TSNAXIP1: variants seen among roughly 807,000 people sequenced by gnomAD.
TSNAXIP1 encodes translin associated factor X interacting protein 1.
A neutral mutation model predicts 84.8 loss-of-function variants in TSNAXIP1; 89 were observed. The ratio of observed to expected loss-of-function variants is 1.05; its 90% CI spans 0.88 to 1.25. The LOEUF is 1.25. Among genes scored for constraint, TSNAXIP1 ranks in the 50% most tolerant of loss-of-function variants. TSNAXIP1 has a pLI of 0.00. For missense variants in TSNAXIP1, 874 were observed against 887.6 expected, an observed-to-expected ratio of 0.98 and a Z score of 0.20; for synonymous variants, 347 against 335.2, an observed-to-expected ratio of 1.04 and a Z score of -0.39.
At chr16:67,821,020 G>C in intron 3 of TSNAXIP1, 69 bp downstream of exon 3, 2 of 1,599,422 alleles carry the variant, frequency 1.3e-6, no homozygotes, top group African/African-American at 1.3e-5. Flanking sequence ...AGACAGGGCA[G>C]GGGCGTGTGT....
intron 2 of TSNAXIP1, among the ~76,000 whole-genome samples, chr16:67,818,877 T>C (rs1250074837): frequency 6.6e-6 from 1 of 152,070 alleles, no homozygotes; most frequent in Non-Finnish European, 1.5e-5. Context: ...TTAATTTTTG[T>C]ATTTTTAGTA....
In TSNAXIP1 at chr16:67,826,052, C is replaced by G. The variant is rs61999337; in HGVS notation, c.1120C>G (p.Arg374Gly). The change falls in exon 9 of 16, where the codon CGG (arginine) becomes GGG (glycine). Residue 374 changes from arginine (R) to glycine (G), a missense_variant. Physicochemically the swap from Arg to Gly is moderately radical, Grantham distance 125 (BLOSUM62 -2). Transcript: ENST00000561639. ...GGAGATCCAGCGCACTTCCACGCCG[C>G]GGCCTGACTGGACCAAGTGCAAAGG... ...LQEIQRTSTP[R>G]PDWTKCKDVV... 6.2e-6 allele frequency: 10 copies of G among 1,613,558 alleles called. No individual in the cohort carries two copies. In the African/African-American group the frequency reaches 1.1e-4, roughly 17 times the overall value.
intron 2 of TSNAXIP1, among the ~76,000 whole-genome samples, chr16:67,817,381 C>T (rs1437268749): frequency 2.0e-5 from 3 of 147,842 alleles, no homozygotes; most frequent in African/African-American, 5.0e-5. Context: ...CTCCTAACCT[C>T]GTGATCCACC....
At chr16:67,813,295 G>C (rs559911132) in intron 1 of TSNAXIP1, among the ~76,000 whole-genome samples, 72 of 151,654 alleles carry the variant, frequency 4.7e-4, no homozygotes, top group African/African-American at 1.7e-3. Flanking sequence ...GCTGAGGAAG[G>C]AGAATTGCTT....
At chr16:67,816,986 A>T (rs1376862502) in intron 2 of TSNAXIP1, among the ~76,000 whole-genome samples, 1 of 149,742 alleles carries the variant, frequency 6.7e-6, no homozygotes, top group Non-Finnish European at 1.5e-5. Context: ...TTATTTTTTG[A>T]GACGGAGCCT....
Position 67,827,589 on chromosome 16 carries a change from C to T in TSNAXIP1, c.1898+10C>T. 7 of 1,613,888 alleles carry T rather than the reference C, an allele frequency of 4.3e-6. No individual in the cohort carries two copies. Among genetic ancestry groups the T allele is most frequent in the Non-Finnish European group, 5.1e-6 (6 of 1,179,802 alleles). ...AGCTTGGCATAGAACTGTGAGTGAC[C>T]CTCATCCATAGGCGAGTCCCACAGG... On this transcript the variant is annotated intron_variant, in intron 15 of 15. Transcript: ENST00000561639.
intron 1 of TSNAXIP1, among the ~76,000 whole-genome samples, chr16:67,811,309 G>A (rs762742275): frequency 1.3e-5 from 2 of 151,894 alleles, no homozygotes; most frequent in African/African-American, 4.8e-5. Flanking sequence ...AACAACATCT[G>A]TTACCTACTG....
chr16:67,821,027 G>T lies in TSNAXIP1; in HGVS notation c.261-72G>T. The T allele has an allele frequency of 3.1e-6, 5 of 1,602,894 alleles. No individual in the cohort carries two copies. In the South Asian group the frequency reaches 3.3e-5, roughly 11 times the overall value. On this transcript the variant is annotated intron_variant, in intron 3 of 15. Transcript: ENST00000561639. ...GGGCCAGGAGACAGGGCAGGGGCGT[G>T]TGTTGCCCCAGACTGAGGGCACAAG... is the stretch of plus-strand genomic sequence containing the variant.
intron 1 of TSNAXIP1, among the ~76,000 whole-genome samples, chr16:67,811,960 A>G (rs558792008): frequency 2.0e-5 from 3 of 152,306 alleles, no homozygotes; most frequent in East Asian, 1.9e-4. Flanking sequence ...TTACTGCTCC[A>G]TGGACTATAG....
chr16:67,826,862 C>T lies in TSNAXIP1; in HGVS notation c.1554+18C>T. 1 of 1,611,892 alleles carries T rather than the reference C, an allele frequency of 6.2e-7. No individual in the cohort carries two copies. Among genetic ancestry groups the T allele is most frequent in the Non-Finnish European group, 8.5e-7 (1 of 1,178,978 alleles). On this transcript the variant is annotated intron_variant, in intron 12 of 15. Transcript: ENST00000561639. ...TGGGAAAGGTGAGCTGGGGCCTATT[C>T]CCCTTGGGGAGACTGAGAGGGGTCT...
intron 1 of TSNAXIP1, among the ~76,000 whole-genome samples, chr16:67,813,958 C>T (rs2056336605): frequency 6.6e-6 from 1 of 152,018 alleles, no homozygotes; most frequent in Non-Finnish European, 1.5e-5. Flanking sequence ...GTATCACAGC[C>T]CCAGAGTATG....
At position 67,821,149 on chromosome 16, in the gene TSNAXIP1, A is replaced by T. The variant is rs1365184796; in HGVS notation, c.311A>T (p.Glu104Val). 8.7e-6 allele frequency: 14 copies of T among 1,612,344 alleles called. No individual in the cohort carries two copies. Among genetic ancestry groups the T allele is most frequent in the Non-Finnish European group, 1.2e-5 (14 of 1,179,348 alleles). The change falls in exon 4 of 16, where the codon GAA becomes GTA. Residue 104 changes from glutamate to valine, a missense_variant. Coordinates refer to ENST00000561639, the MANE Select transcript of TSNAXIP1 (RefSeq NM_001288990.3). ...FRTAKPQYLE[E>V]LENYLRKELL... ...ACTGCCAAGCCCCAGTACTTGGAGG[A>T]ACTGGAAAACTACCTACGCAAGGAG...
intron 1 of TSNAXIP1, among the ~76,000 whole-genome samples, chr16:67,808,372 C>A (rs997845246): frequency 1.3e-5 from 2 of 152,048 alleles, no homozygotes; most frequent in African/African-American, 4.8e-5. Context: ...GTCAGGAGAT[C>A]GAGACCATCC....
At chr16:67,826,113 A>G (rs750678373) in intron 9 of TSNAXIP1, 37 bp downstream of exon 9, 3 of 1,613,286 alleles carry the variant, frequency 1.9e-6, no homozygotes, top group East Asian at 2.2e-5. Context: ...TCCTGCTTAC[A>G]TGTGGGCCCA....
At chr16:67,814,630 G>T (rs995500066) in intron 2 of TSNAXIP1, among the ~76,000 whole-genome samples, 3 of 151,986 alleles carry the variant, frequency 2.0e-5, no homozygotes, top group Non-Finnish European at 4.4e-5. Flanking sequence ...AAGCCTTCCC[G>T]GATCTCCCTA....
At chr16:67,825,093 G>A in intron 6 of TSNAXIP1, 44 bp from the exon 7 acceptor site, 2 of 1,602,832 alleles carry the variant, frequency 1.2e-6, no homozygotes, top group Non-Finnish European at 1.7e-6. Context: ...CTGCATACAG[G>A]GGTCCAGGGG....
chr16:67,815,289 G>A (rs1360346962), intron 2 of TSNAXIP1, among the ~76,000 whole-genome samples: 2 of 144,176 alleles, frequency 1.4e-5, no homozygotes, highest in Admixed American at 7.1e-5. Context: ...ACTCCAGCCT[G>A]GACAACAGAG....
intron 1 of TSNAXIP1, among the ~76,000 whole-genome samples, 195 bp from the exon 2 acceptor site, chr16:67,814,107 A>G (rs767281087): frequency 1.3e-5 from 2 of 152,170 alleles, no homozygotes; most frequent in Non-Finnish European, 2.9e-5. Context: ...GATGAAAAGA[A>G]TGTTTCTGGG....
intron 5 of TSNAXIP1, 105 bp from the exon 6 acceptor site, chr16:67,824,478 T>G: frequency 9.3e-7 from 1 of 1,069,690 alleles, no homozygotes; most frequent in Non-Finnish European, 1.4e-6. Flanking sequence ...GCAGAGATTC[T>G]TGGGGTTTGC....
Sources: allele counts gnomAD v4.1 joint callset (sites outside exome capture counted in the v4.1 genomes callset), GRCh38; gene constraint gnomAD v4.1.1; transcripts MANE v1.5; gene names NCBI Gene and HGNC (gene_info 2026-07-23, HGNC 2026-07-21).